Variants in MTMR9 observed in about 807,000 individuals in gnomAD.
MTMR9 encodes myotubularin-related protein 9.
MTMR9 carries 39 observed loss-of-function variants against 69.5 expected under a neutral mutation model. That is an observed-to-expected ratio of 0.56 (90% confidence interval 0.43 to 0.73). The LOEUF is 0.73. Among genes scored for constraint, MTMR9 ranks in the 30% least tolerant of loss-of-function variants. The pLI, the probability that MTMR9 is intolerant of heterozygous loss-of-function variation, is 0.00. For missense variants in MTMR9, 900 were observed against 671.2 expected, an observed-to-expected ratio of 1.34 and a Z score of -3.77; for synonymous variants, 354 against 240.8, an observed-to-expected ratio of 1.47 and a Z score of -4.35.
chr8:11,306,843 C>A (rs1196620907), intron 5 of MTMR9, among the ~76,000 whole-genome samples: 1 of 152,122 alleles, frequency 6.6e-6, no homozygotes, highest in African/African-American at 2.4e-5. Flanking sequence ...TCAACATGTC[C>A]CCATATCTGT....
At chr8:11,329,837 C>A (rs1290278144), downstream of MTMR9, among the ~76,000 whole-genome samples, 1 of 151,796 alleles carries the variant, frequency 6.6e-6, no homozygotes, top group African/African-American at 2.4e-5. Context: ...AGGAGCGCCT[C>A]TTCCTGGCCG....
rs753328388 is a variant in MTMR9 at position 11,322,747 on chromosome 8, G to C, written c.1609G>C (p.Ala537Pro). 2 of 1,613,876 alleles carry C rather than the reference G, an allele frequency of 1.2e-6. No homozygotes were observed. Among genetic ancestry groups the C allele is most frequent in the African/African-American group, 2.7e-5 (2 of 74,904 alleles). ...AGTCAATATCCTTCGAAGGCAGTTG[G>C]CAGAACTGGAAACAGAGGACGGGAT... ...AKVNILRRQL[A>P]ELETEDGMQE... The change falls in exon 10 of 10, where the codon GCA becomes CCA. Residue 537 changes from alanine (A) to proline (P), a missense_variant. By Grantham distance (27) the Ala-to-Pro change is conservative. Coordinates refer to ENST00000221086, the MANE Select transcript of MTMR9 (RefSeq NM_015458.4).
chr8:11,295,359 T>C, intron 2 of MTMR9, 57 bp downstream of exon 2: 1 of 969,500 alleles, frequency 1.0e-6, no homozygotes, highest in Non-Finnish European at 1.6e-6. Context: ...TGACTCAGTG[T>C]AGCTCTTCCA....
At chr8:11,332,737 G>A (rs893589037), downstream of MTMR9, among the ~76,000 whole-genome samples, 1 of 152,084 alleles carries the variant, frequency 6.6e-6, no homozygotes, top group African/African-American at 2.4e-5. Flanking sequence ...AAGTAGCTGA[G>A]ATTACAGGTG....
rs1800107755 is a variant in MTMR9 at position 11,309,561 on chromosome 8, G to T, written c.844G>T (p.Val282Leu). The change falls in exon 6 of 10, where the codon GTG (valine) becomes TTG (leucine). Residue 282 changes from valine to leucine, a missense_variant. Val to Leu is a conservative substitution (Grantham distance 32, BLOSUM62 1). Transcript: ENST00000221086. ...HILQESLIKL[V>L]EACNDQTHNM... ...TCTTCAGGAGAGCTTAATCAAACTT[G>T]TGGAAGCTTGTAATGACCAAACACA... 1 of 1,613,772 alleles carries T rather than the reference G, an allele frequency of 6.2e-7. No individual in the cohort carries two copies.
intron 1 of MTMR9, among the ~76,000 whole-genome samples, chr8:11,286,421 T>G (rs1400941781): frequency 6.6e-6 from 1 of 151,326 alleles, no homozygotes; most frequent in African/African-American, 2.4e-5. Flanking sequence ...TCCCAGCACT[T>G]TGGGAGGCCA....
At chr8:11,309,068 A>G (rs1435535933) in intron 5 of MTMR9, among the ~76,000 whole-genome samples, 1 of 152,178 alleles carries the variant, frequency 6.6e-6, no homozygotes, top group Non-Finnish European at 1.5e-5. Context: ...TTGTACTGTA[A>G]AAGAGTGATT....
At chr8:11,319,374 A>G (rs1322089488) in intron 8 of MTMR9, 1 of 205,606 alleles carries the variant, frequency 4.9e-6, no homozygotes, top group Non-Finnish European at 9.6e-6. Flanking sequence ...AATATAACAA[A>G]GGACTTTTGT....
chr8:11,290,816 C>G (rs1412030768), intron 1 of MTMR9, among the ~76,000 whole-genome samples: 2 of 148,232 alleles, frequency 1.3e-5, no homozygotes, highest in East Asian at 3.9e-4. Flanking sequence ...CCTTCTGTGG[C>G]TTTGTGATGT....
downstream of MTMR9, among the ~76,000 whole-genome samples, chr8:11,330,178 C>T (rs189753775): frequency 1.8e-4 from 25 of 136,684 alleles, no homozygotes; most frequent in South Asian, 4.7e-4. Context: ...CCCGGCCAGC[C>T]GCCCCGTCCG....
At chr8:11,319,900 T>G (rs1251661998) in intron 9 of MTMR9, 62 bp downstream of exon 9, 13 of 1,560,162 alleles carry the variant, frequency 8.3e-6, no homozygotes, top group Non-Finnish European at 1.1e-5. Context: ...TGCCTGTGAG[T>G]GTGTGCTGTT....
intron 2 of MTMR9, 124 bp downstream of exon 2, chr8:11,295,426 G>C (rs1443902424): frequency 1.5e-6 from 1 of 671,776 alleles, no homozygotes; most frequent in South Asian, 1.7e-5. Flanking sequence ...AGACTGATAG[G>C]AAAAGCCTCA....
At chr8:11,294,518 T>TTTTTTTTTTTTTG (rs1799480036) in intron 1 of MTMR9, among the ~76,000 whole-genome samples, 1 of 129,400 alleles carries the variant, frequency 7.7e-6, no homozygotes, top group African/African-American at 2.8e-5. Flanking sequence ...TTTTTTTTTT[T>TTTTTTTTTTTTTG]GAGACAGAGT....
At chr8:11,309,493 G>C (rs1219754920) in intron 5 of MTMR9, 34 bp from the exon 6 acceptor site, 14 of 1,553,950 alleles carry the variant, frequency 9.0e-6, no homozygotes, top group Non-Finnish European at 1.2e-5. Flanking sequence ...CTATTTTCTG[G>C]GTTTGTTATT....
rs879761522 is a variant in MTMR9, at chr8:11,326,610, TCTC to T, written c.*3830_*3832del. 1.6e-4 allele frequency: 24 copies of T among 152,344 alleles called. 1 individual carries two copies. The highest frequency in any genetic ancestry group is 1.2e-3 in the Admixed American group (18 of 15,302). The allele number at this position is 152,344 out of a possible 1,614,324, so 9.4% of individuals were successfully genotyped here. On this transcript the variant is annotated 3_prime_UTR_variant, in exon 10 of 10. Transcript: ENST00000221086. ...ATTCTTTCACATGGGCTAGGCCTGT[TCTC>T]CTCCTCCAGACCTAGTATTCTAAGT...
rs1413762956 is a variant in MTMR9, at chr8:11,325,265, T to G, written c.*2477T>G. 4 of 152,252 alleles carry G rather than the reference T, an allele frequency of 2.6e-5. No individual in the cohort carries two copies. Among genetic ancestry groups the G allele is most frequent in the South Asian group, 2.1e-4 (1 of 4,832 alleles). The allele number at this position is 152,252 out of a possible 1,614,324, so 9.4% of individuals were successfully genotyped here. On this transcript the variant is annotated 3_prime_UTR_variant, in exon 10 of 10. Coordinates refer to ENST00000221086, the MANE Select transcript of MTMR9 (RefSeq NM_015458.4). ...AAAACGGTCAGAAATAAGTCCATTA[T>G]CAATATAATTTGAAGAAGATTTTTA...
rs1800641382 is a variant in MTMR9, at chr8:11,320,660, GA to G, written c.1486+823del. 4 of 152,312 alleles carry G rather than the reference GA, an allele frequency of 2.6e-5. 1 individual carries two copies. The South Asian group carries it at 8.3e-4, about 32-fold the overall frequency. 9.4% of individuals were successfully genotyped at this position (152,312 alleles called of 1,614,324 possible). A position where few individuals can be genotyped will look rare whatever the true frequency, so the allele number is the denominator to read the frequency against. On this transcript the variant is annotated intron_variant, in intron 9 of 9. Transcript: ENST00000221086. ...AGGCAGGAGAATCACTTGAATCTGG[GA>G]GGCAAAGGTTGCAGTGAGCAGAGAT...
chr8:11,309,053 CTT>C (rs1800084034), intron 5 of MTMR9, among the ~76,000 whole-genome samples: 1 of 152,168 alleles, frequency 6.6e-6, no homozygotes, highest in Non-Finnish European at 1.5e-5. Flanking sequence ...CCTATTGTCT[CTT>C]GTTTGTACTG....
At chr8:11,313,125 A>G (rs1353723507) in intron 6 of MTMR9, among the ~76,000 whole-genome samples, 3 of 152,238 alleles carry the variant, frequency 2.0e-5, no homozygotes, top group Admixed American at 2.0e-4. Context: ...GCTTCAGCTT[A>G]AAGTCACCAG....
Sources: gnomAD v4.1 joint callset for allele counts (sites outside exome capture counted in the v4.1 genomes callset) on GRCh38, gnomAD v4.1.1 for gene constraint, MANE v1.5 for transcripts, NCBI Gene and HGNC (gene_info 2026-07-23, HGNC 2026-07-21) for gene names.